Variants in DROSHA observed in about 807,000 individuals in gnomAD.
DROSHA encodes drosha ribonuclease III.
A neutral mutation model predicts 181.9 loss-of-function variants in DROSHA; 56 were observed. The ratio of observed to expected loss-of-function variants is 0.31; its 90% confidence interval spans 0.25 to 0.38. DROSHA has a LOEUF of 0.38. Among genes scored for constraint, DROSHA ranks in the 10% least tolerant of loss-of-function variants. DROSHA has a pLI of 1.00. For synonymous variants in DROSHA, 524 were observed against 591.2 expected (o/e 0.89, Z 1.65); for missense variants, 1,218 against 1,743.5 (o/e 0.70, Z 5.37).
At chr5:31,484,350 C>G (rs1480882814) in intron 15 of DROSHA, among the ~76,000 whole-genome samples, 1 of 115,968 alleles carries the variant, frequency 8.6e-6, no homozygotes, top group Non-Finnish European at 1.7e-5. Context: ...GTCCGCAGTC[C>G]GGCCTGGGCG....
chr5:31,414,357 G>A (rs1445397091), intron 30 of DROSHA, among the ~76,000 whole-genome samples: 2 of 152,122 alleles, frequency 1.3e-5, no homozygotes. Flanking sequence ...TGGAAATCTA[G>A]AAAATAAACA....
chr5:31,413,002 C>T (rs922213489), intron 30 of DROSHA, among the ~76,000 whole-genome samples: 3 of 152,092 alleles, frequency 2.0e-5, no homozygotes, highest in Admixed American at 1.3e-4. Context: ...CTCTTTAAGC[C>T]GTGTATATGG....
Position 31,511,112 on chromosome 5 carries a change from A to G in DROSHA, c.1355T>C (p.Leu452Ser). ...TTTGGCCTTTTCTTGCCTGCTCCCCAACTCCTCCTCAAATTTGTCATATAA... is the reference window on the plus strand; with the variant it reads ...TTTGGCCTTTTCTTGCCTGCTCCCCGACTCCTCCTCAAATTTGTCATATAA... The part of the protein sequence containing the change: ...RDLYDKFEEE[L>S]GSRQEKAKAA... Residue 452 changes from leucine to serine, a missense_variant, in exon 9 of 36, where the codon TTG (leucine) becomes TCG (serine). Physicochemically the swap from Leu to Ser is moderately radical, Grantham distance 145. Transcript: ENST00000344624. The G allele has an allele frequency of 6.2e-7, 1 of 1,613,798 alleles. No individual in the cohort carries two copies. Among genetic ancestry groups the G allele is most frequent in the Non-Finnish European group, 8.5e-7 (1 of 1,179,848 alleles).
At chr5:31,462,225 T>A (rs545956725) in intron 20 of DROSHA, among the ~76,000 whole-genome samples, 1 of 152,252 alleles carries the variant, frequency 6.6e-6, no homozygotes, top group South Asian at 2.1e-4. Flanking sequence ...TAGGCAACAA[T>A]TTACATGCTT....
At chr5:31,506,452 CA>C (rs1737977023) in intron 10 of DROSHA, among the ~76,000 whole-genome samples, 1 of 151,292 alleles carries the variant, frequency 6.6e-6, no homozygotes, top group Non-Finnish European at 1.5e-5. Context: ...CCGAGGCAGG[CA>C]GATCACTTGA....
intron 24 of DROSHA, among the ~76,000 whole-genome samples, chr5:31,436,685 G>A (rs745773979): frequency 2.0e-5 from 3 of 151,506 alleles, no homozygotes; most frequent in Non-Finnish European, 4.4e-5. Flanking sequence ...GAGCCACCGC[G>A]CCTAGCGTCC....
chr5:31,514,942 C>A lies in DROSHA; in HGVS notation c.1290+46G>T, dbSNP rs759296521. 1.3e-6 allele frequency: 2 copies of A among 1,571,942 alleles called. No homozygotes were observed. The highest frequency in any genetic ancestry group is 1.7e-6 in the Non-Finnish European group (2 of 1,150,426). On this transcript the variant is annotated intron_variant, in intron 8 of 35. Coordinates refer to ENST00000344624, the MANE Select transcript of DROSHA (RefSeq NM_001382508.1). This position sits in a 1 kb window ranked among gnomAD's most constrained non-coding sequence, Gnocchi z 4.4. ...CAGCCCCAAAGGCCAATAGTGACAA[C>A]GCCGAGAAGCCCTAGTCTACAGCTT...
At chr5:31,405,767 CTTTTTTTTTT>C (rs67380927) in intron 34 of DROSHA, 44 bp from the exon 35 acceptor site, 124 of 469,204 alleles carry the variant, frequency 2.6e-4, no homozygotes, top group Middle Eastern at 7.1e-4. Flanking sequence ...TTTCAAGATT[CTTTTTTTTTT>C]TTTTTTTTTT....
intron 18 of DROSHA, 114 bp from the exon 19 acceptor site, chr5:31,466,395 T>G (rs755912637): frequency 2.7e-5 from 23 of 851,018 alleles, no homozygotes; most frequent in Non-Finnish European, 4.2e-5. Flanking sequence ...CTTTTGATTA[T>G]TCTTAATGGC....
At chr5:31,438,464 T>G (rs1745156985) in intron 23 of DROSHA, among the ~76,000 whole-genome samples, 1 of 152,082 alleles carries the variant, frequency 6.6e-6, no homozygotes, top group Admixed American at 6.6e-5. Context: ...GCGCTGGGAT[T>G]TGGAAGCTAA....
rs139762373 is a variant in DROSHA at position 31,523,497 on chromosome 5, G to T, written c.855-2282C>A. Among the ~76,000 whole-genome samples, 495 of 152,182 alleles carry T rather than the reference G, an allele frequency of 3.3e-3. 1 individual carries two copies. Among genetic ancestry groups the T allele is most frequent in the African/African-American group, 0.011 (457 of 41,482 alleles). Reference sequence around the variant, plus strand: ...AATTTAGGATTTACAGCAGAGCCCTGACAACTCCTCTAATTATAGCATATC... The same window carrying T: ...AATTTAGGATTTACAGCAGAGCCCTTACAACTCCTCTAATTATAGCATATC... On this transcript the variant is annotated intron_variant, in intron 5 of 35. Coordinates refer to ENST00000344624, the MANE Select transcript of DROSHA (RefSeq NM_001382508.1).
intron 10 of DROSHA, among the ~76,000 whole-genome samples, chr5:31,506,076 C>T (rs768799198): frequency 1.3e-5 from 2 of 152,172 alleles, no homozygotes; most frequent in Admixed American, 6.5e-5. Context: ...AAAGTTGTAA[C>T]ACAGCTGTGC....
chr5:31,431,194 C>G (rs1317579153), intron 26 of DROSHA, among the ~76,000 whole-genome samples: 2 of 151,974 alleles, frequency 1.3e-5, no homozygotes, highest in Non-Finnish European at 2.9e-5. Flanking sequence ...ATAGTTTAAT[C>G]AAAAGCAACA....
chr5:31,421,661 T>A, intron 29 of DROSHA: 1 of 309,084 alleles, frequency 3.2e-6, no homozygotes, highest in Non-Finnish European at 6.0e-6. Flanking sequence ...AGAGCATAAA[T>A]TGAAAAATCA....
In DROSHA at chr5:31,472,046, C is replaced by G; in HGVS notation, c.2241+17G>C. On this transcript the variant is annotated intron_variant, in intron 17 of 35. Transcript: ENST00000344624. ...GAAGGTCCTCCAGCCTCTGAATATA[C>G]AGACACCAGAACATACCGTCCCAGG... 1 of 1,595,214 alleles carries G rather than the reference C, an allele frequency of 6.3e-7. No individual in the cohort carries two copies. The highest frequency in any genetic ancestry group is 8.5e-7 in the Non-Finnish European group (1 of 1,170,572).
At chr5:31,420,138 A>C (rs966328037) in intron 30 of DROSHA, among the ~76,000 whole-genome samples, 3 of 152,234 alleles carry the variant, frequency 2.0e-5, no homozygotes, top group South Asian at 2.1e-4. Context: ...TGTCTCACAT[A>C]AACTATTTCC....
intron 16 of DROSHA, among the ~76,000 whole-genome samples, chr5:31,479,601 A>G (rs1459540306): frequency 6.6e-6 from 1 of 152,138 alleles, no homozygotes; most frequent in African/African-American, 2.4e-5. Context: ...ATATCTATAA[A>G]TTGGACTACA....
chr5:31,439,190 A>G (rs1483485960), intron 23 of DROSHA, among the ~76,000 whole-genome samples: 1 of 152,198 alleles, frequency 6.6e-6, no homozygotes, highest in East Asian at 1.9e-4. Context: ...CCCCTGGCCA[A>G]CCACAATCTA....
chr5:31,476,764 G>C (rs1449895432), intron 16 of DROSHA, among the ~76,000 whole-genome samples: 1 of 152,184 alleles, frequency 6.6e-6, no homozygotes, highest in African/African-American at 2.4e-5. Flanking sequence ...ACTCCTGCCA[G>C]AGCCCACAGG....
Sources: allele counts gnomAD v4.1 joint callset (sites outside exome capture counted in the v4.1 genomes callset), GRCh38; gene constraint gnomAD v4.1.1; non-coding constraint Gnocchi (gnomAD v3.1); transcripts MANE v1.5; gene names NCBI Gene and HGNC (gene_info 2026-07-23, HGNC 2026-07-21).